GRIK3: variants seen among roughly 807,000 people sequenced by gnomAD.
GRIK3 encodes glutamate receptor ionotropic, kainate 3.
A neutral mutation model predicts 102.5 loss-of-function variants in GRIK3; 29 were observed. The ratio of observed to expected loss-of-function variants is 0.28; its 90% CI spans 0.21 to 0.39. The LOEUF (loss-of-function observed/expected upper bound fraction) is 0.39. Among genes scored for constraint, GRIK3 ranks in the 10% least tolerant of loss-of-function variants. The pLI, the probability that GRIK3 is intolerant of heterozygous loss-of-function variation, is 1.00. For missense variants in GRIK3, 908 were observed against 1,252.4 expected, an observed-to-expected ratio of 0.73 and a Z score of 4.15; for synonymous variants, 511 against 504.9, an observed-to-expected ratio of 1.01 and a Z score of -0.16.
intron 9 of GRIK3, among the ~76,000 whole-genome samples, chr1:36,846,537 G>A (rs1437313397): frequency 1.3e-5 from 2 of 152,182 alleles, no homozygotes; most frequent in African/African-American, 4.8e-5. Context: ...CTGGTACCTT[G>A]GGACCTGCCT....
Position 36,859,130 on chromosome 1 carries a change from C to T in GRIK3, c.1082G>A (p.Arg361His), listed in dbSNP as rs569112734. ...HRHKAWRFGG[R>H]FMNFIKEAQW... ...CACCTCCTTGATGAAGTTCATGAAG[C>T]GGCCGCCAAAGCGCCAGGCCTTGTG... The change falls in exon 7 of 16, where the codon CGC becomes CAC. Residue 361 changes from arginine (R) to histidine (H), a missense_variant. Physicochemically the swap from Arg to His is conservative, Grantham distance 29 (BLOSUM62 0). Around this residue, in one of 3 missense-constraint regions of GRIK3, gnomAD observed 585 missense variants for 824.9 expected, o/e 0.71. Transcript: ENST00000373091. 1.8e-5 allele frequency: 29 copies of T among 1,611,252 alleles called. No homozygotes were observed. Among genetic ancestry groups the T allele is most frequent in the Middle Eastern group, 1.7e-4 (1 of 6,048 alleles).
chr1:36,895,050 G>T (rs190050984), intron 1 of GRIK3, among the ~76,000 whole-genome samples: 1 of 152,150 alleles, frequency 6.6e-6, no homozygotes, highest in African/African-American at 2.4e-5. Flanking sequence ...TGTTGCGGGG[G>T]AGGTGGGGGA....
chr1:36,901,559 A>G (rs754016661), intron 1 of GRIK3, among the ~76,000 whole-genome samples: 2 of 152,208 alleles, frequency 1.3e-5, no homozygotes, highest in Non-Finnish European at 2.9e-5. Context: ...TAAGAATATT[A>G]ATAGCAGAAT....
chr1:36,938,868 A>G (rs1263189243), intron 1 of GRIK3, among the ~76,000 whole-genome samples: 1 of 152,166 alleles, frequency 6.6e-6, no homozygotes, highest in Non-Finnish European at 1.5e-5. Flanking sequence ...ACTACAACAA[A>G]TGAAAGCCTG....
intron 1 of GRIK3, among the ~76,000 whole-genome samples, chr1:37,017,111 A>G (rs1642659126): frequency 1.3e-5 from 2 of 151,830 alleles, no homozygotes; most frequent in African/African-American, 2.4e-5. Flanking sequence ...GCTACTTGGG[A>G]CAGCTGAGGG....
intron 1 of GRIK3, among the ~76,000 whole-genome samples, chr1:36,936,726 C>A (rs900725339): frequency 6.6e-6 from 1 of 152,152 alleles, no homozygotes; most frequent in Non-Finnish European, 1.5e-5. Context: ...GGGACTTTGT[C>A]TATTCCATCC....
chr1:36,872,085 C>T lies in GRIK3; in HGVS notation c.732+103G>A. On this transcript the variant is annotated intron_variant, in intron 4 of 15. Transcript: ENST00000373091. This position sits in a 1 kb window ranked among gnomAD's most constrained non-coding sequence, Gnocchi z 5.9. The stretch of plus-strand genomic sequence containing the variant: ...GCAGGAAAGTGGCAGAGCTAGGAGT[C>T]AAACTTAGATCTGGCAGCATCACAC... The T allele has an allele frequency of 8.7e-7, 1 of 1,149,652 alleles. No individual in the cohort carries two copies. The highest frequency in any genetic ancestry group is 1.2e-6 in the Non-Finnish European group (1 of 825,400). 71.2% of individuals were successfully genotyped at this position (1,149,652 alleles called of 1,614,324 possible).
chr1:36,929,188 C>T (rs1017993721), intron 1 of GRIK3, among the ~76,000 whole-genome samples: 2 of 152,190 alleles, frequency 1.3e-5, no homozygotes, highest in Middle Eastern at 3.4e-3. Context: ...CACACTCTAA[C>T]CACTCTGCTA....
At chr1:37,014,473 G>T (rs1469031141) in intron 1 of GRIK3, among the ~76,000 whole-genome samples, 4 of 152,244 alleles carry the variant, frequency 2.6e-5, no homozygotes, top group African/African-American at 4.8e-5. Context: ...TTTTCTGGCA[G>T]ATTCTTGGAC....
chr1:36,959,875 GTGTGCCCCATGATTC>G (rs1157866732), intron 1 of GRIK3, among the ~76,000 whole-genome samples: 1 of 62,816 alleles, frequency 1.6e-5, no homozygotes, highest in Non-Finnish European at 3.1e-5. Flanking sequence ...CCCATGAGCC[GTGTGCCCCATGATTC>G]TGTGCCCCAT....
At chr1:36,930,138 C>A (rs1446417730) in intron 1 of GRIK3, among the ~76,000 whole-genome samples, 1 of 152,236 alleles carries the variant, frequency 6.6e-6, no homozygotes, top group South Asian at 2.1e-4. Flanking sequence ...ATTGGTCACA[C>A]AGGATGACCC....
chr1:36,859,364 G>T (rs1042609922), intron 6 of GRIK3, 113 bp from the exon 7 acceptor site: 1 of 1,198,144 alleles, frequency 8.3e-7, no homozygotes, highest in Non-Finnish European at 1.2e-6. Flanking sequence ...CCTGGTGAGC[G>T]AACAGGCCCA....
Position 36,996,066 on chromosome 1 carries a change from T to G in GRIK3, c.115+37928A>C, listed in dbSNP as rs571805621. Among the ~76,000 whole-genome samples the G allele has an allele frequency of 2.4e-4, 36 of 152,292 alleles. No homozygotes were observed. In the South Asian group the frequency reaches 7.3e-3, roughly 31 times the overall value. ...AGATCCTCCACCACCTGCCTCTGTGTTAGCCTGTGGTCAGCACCATCCACT... is the reference window on the plus strand; with the variant it reads ...AGATCCTCCACCACCTGCCTCTGTGGTAGCCTGTGGTCAGCACCATCCACT... On this transcript the variant is annotated intron_variant, in intron 1 of 15. Transcript: ENST00000373091.
rs527280433 is a variant in GRIK3, at chr1:36,976,666, G to A, written c.115+57328C>T. ...ATGCTATTGGTTGAAGGGATGATCC[G>A]TGCTGATCTTTACCCCCTCCCCATG... On this transcript the variant is annotated intron_variant, in intron 1 of 15. Transcript: ENST00000373091. 6.6e-5 allele frequency among the ~76,000 whole-genome samples: 10 copies of A among 152,218 alleles called. No individual in the cohort carries two copies. In the East Asian group the frequency reaches 9.7e-4, roughly 15 times the overall value.
At chr1:36,839,155 C>A (rs1254779858) in intron 10 of GRIK3, among the ~76,000 whole-genome samples, 2 of 152,170 alleles carry the variant, frequency 1.3e-5, no homozygotes, top group Admixed American at 6.5e-5. Context: ...ACCCAGCCTC[C>A]ACCTTCCACG....
intron 2 of GRIK3, 40 bp downstream of exon 2, chr1:36,890,880 C>T (rs1158322573): frequency 6.6e-7 from 1 of 1,509,514 alleles, no homozygotes; most frequent in Admixed American, 1.8e-5. Flanking sequence ...TTCCCCTCCC[C>T]AGGCTGGGAA....
intron 1 of GRIK3, among the ~76,000 whole-genome samples, chr1:37,014,161 A>G (rs1255145405): frequency 6.6e-6 from 1 of 152,224 alleles, no homozygotes; most frequent in Admixed American, 6.5e-5. Flanking sequence ...TCCATGCATA[A>G]CATCTGCTGT....
At chr1:36,927,823 G>T (rs1045686867) in intron 1 of GRIK3, among the ~76,000 whole-genome samples, 4 of 152,132 alleles carry the variant, frequency 2.6e-5, no homozygotes, top group Non-Finnish European at 5.9e-5. Context: ...GGGAGAGTGT[G>T]AGGCTCCCCG....
intron 12 of GRIK3, among the ~76,000 whole-genome samples, chr1:36,817,478 T>G (rs2993079): frequency 0.19 from 29,448 of 152,120 alleles, 3,461 homozygotes; most frequent in African/African-American, 0.33. Flanking sequence ...CTTGGGCCCT[T>G]CCCCAGCACT....
Sources: allele counts gnomAD v4.1 joint callset (sites outside exome capture counted in the v4.1 genomes callset), GRCh38; gene constraint gnomAD v4.1.1; regional missense constraint gnomAD v4.1.1; non-coding constraint Gnocchi (gnomAD v3.1); transcripts MANE v1.5; gene names NCBI Gene and HGNC (gene_info 2026-07-23, HGNC 2026-07-21).